Variants in CNTN4 observed in about 807,000 individuals in gnomAD.
The protein encoded by CNTN4 is contactin-4.
CNTN4 carries 77 observed loss-of-function variants against 122.5 expected under a neutral mutation model. The observed-to-expected ratio is 0.63, with a 90% CI of 0.52 to 0.76. The LOEUF is 0.76. Among genes scored for constraint, CNTN4 ranks in the 30% least tolerant of loss-of-function variants. The pLI is 0.00. For synonymous variants in CNTN4, 512 were observed against 447.0 expected (o/e 1.15, Z -1.83); for missense variants, 1,256 against 1,259.1 (o/e 1.00, Z 0.04).
At chr3:2,159,408 G>A (rs891098121) in intron 2 of CNTN4, among the ~76,000 whole-genome samples, 26 of 151,950 alleles carry the variant, frequency 1.7e-4, no homozygotes, top group African/African-American at 6.0e-4. Flanking sequence ...GACCTATATC[G>A]GGTTCTTTTT....
chr3:2,104,242 GT>G (rs1272032683), intron 2 of CNTN4, among the ~76,000 whole-genome samples: 1 of 140,004 alleles, frequency 7.1e-6, no homozygotes, highest in Non-Finnish European at 1.6e-5. Flanking sequence ...GTGTGTGTGT[GT>G]GTGTGTGTGT....
intron 4 of CNTN4, among the ~76,000 whole-genome samples, chr3:2,731,305 C>G (rs1408539478): frequency 1.3e-5 from 2 of 151,700 alleles, no homozygotes; most frequent in Non-Finnish European, 3.0e-5. Context: ...TTCTCCCTTC[C>G]CTTTATGAAG....
At chr3:2,294,259 A>C (rs548122229) in intron 2 of CNTN4, among the ~76,000 whole-genome samples, 178 of 151,038 alleles carry the variant, frequency 1.2e-3, no homozygotes, top group Non-Finnish European at 2.2e-3. Context: ...GCCAAGTTAC[A>C]TTGCAAAGGA....
chr3:2,609,392 G>A (rs990809481), intron 4 of CNTN4, among the ~76,000 whole-genome samples: 3 of 152,066 alleles, frequency 2.0e-5, no homozygotes, highest in Admixed American at 1.3e-4. Flanking sequence ...CAAATTTGCC[G>A]GCACCTTTAT....
intron 2 of CNTN4, among the ~76,000 whole-genome samples, chr3:2,233,501 A>G (rs62247019): frequency 0.2 from 30,254 of 152,094 alleles, 3,553 homozygotes; most frequent in South Asian, 0.38. Context: ...GGCCAATACT[A>G]TTCAGCATGT....
rs28756781 is a variant in CNTN4, at chr3:2,385,248, T to C, written c.-89+46015T>C. On this transcript the variant is annotated intron_variant, in intron 3 of 24. Transcript: ENST00000418658. This position sits in a 1 kb window ranked among gnomAD's most constrained non-coding sequence, Gnocchi z 4.0. ...TTTCTACTCAGTTTTTTATTTTTTATTTTTATTTCTACACTTTTTATTTCT... is the reference window on the plus strand; with the variant it reads ...TTTCTACTCAGTTTTTTATTTTTTACTTTTATTTCTACACTTTTTATTTCT... 6.6e-6 allele frequency among the ~76,000 whole-genome samples: 1 copy of C among 151,506 alleles called. No individual in the cohort carries two copies. The highest frequency in any genetic ancestry group is 2.4e-5 in the African/African-American group (1 of 41,566).
intron 4 of CNTN4, among the ~76,000 whole-genome samples, chr3:2,627,651 G>A (rs915928372): frequency 2.4e-4 from 37 of 151,804 alleles, no homozygotes; most frequent in African/African-American, 6.8e-4. Context: ...CCGCCACCAC[G>A]CCTGGCTAAT....
At chr3:2,338,279 T>C (rs938482543) in intron 2 of CNTN4, among the ~76,000 whole-genome samples, 2 of 151,964 alleles carry the variant, frequency 1.3e-5, no homozygotes, top group Non-Finnish European at 2.9e-5. Flanking sequence ...GATGAATTAT[T>C]TTGCAATTCA....
chr3:3,012,302 T>C (rs892289168), intron 14 of CNTN4, among the ~76,000 whole-genome samples: 1 of 152,156 alleles, frequency 6.6e-6, no homozygotes, highest in Non-Finnish European at 1.5e-5. Flanking sequence ...TAGGGCATTC[T>C]TGACCTTTGC....
chr3:2,391,098 T>G (rs999808065), intron 3 of CNTN4, among the ~76,000 whole-genome samples: 2 of 152,158 alleles, frequency 1.3e-5, no homozygotes, highest in Non-Finnish European at 2.9e-5. Context: ...GTACTGACCT[T>G]CCCTGCTGCA....
intron 4 of CNTN4, among the ~76,000 whole-genome samples, chr3:2,617,336 C>A (rs2081799318): frequency 1.3e-5 from 2 of 151,234 alleles, no homozygotes; most frequent in Non-Finnish European, 2.9e-5. Context: ...AGGATATGAA[C>A]AGACACTTCT....
chr3:2,883,330 G>A (rs913858645), intron 9 of CNTN4, 83 bp downstream of exon 9: 2 of 988,978 alleles, frequency 2.0e-6, no homozygotes, highest in East Asian at 2.6e-5. Context: ...CACAGCGATG[G>A]TTTCTGAGGT....
chr3:2,942,635 G>A (rs955437667), intron 13 of CNTN4, among the ~76,000 whole-genome samples: 1 of 152,182 alleles, frequency 6.6e-6, no homozygotes, highest in South Asian at 2.1e-4. Context: ...TGATGTAAGG[G>A]TACAGTTGTA....
chr3:2,833,989 A>G (rs1463291907), intron 7 of CNTN4, among the ~76,000 whole-genome samples: 5 of 151,990 alleles, frequency 3.3e-5, no homozygotes, highest in Non-Finnish European at 7.4e-5. Flanking sequence ...AAAGAAAAAT[A>G]CAAAAATTTA....
chr3:2,248,412 GAATC>G (rs1303440893), intron 2 of CNTN4, among the ~76,000 whole-genome samples: 1 of 151,888 alleles, frequency 6.6e-6, no homozygotes, highest in African/African-American at 2.4e-5. Flanking sequence ...TCACATTCTA[GAATC>G]AATCAATCAA....
intron 14 of CNTN4, among the ~76,000 whole-genome samples, chr3:3,020,645 G>A (rs1208930650): frequency 6.6e-6 from 1 of 152,158 alleles, no homozygotes; most frequent in African/African-American, 2.4e-5. Context: ...CTATTTCCCT[G>A]TTGGAAAGGT....
chr3:2,561,653 C>A (rs1158740142), intron 3 of CNTN4, among the ~76,000 whole-genome samples: 3 of 152,100 alleles, frequency 2.0e-5, no homozygotes, highest in Non-Finnish European at 4.4e-5. Flanking sequence ...ATATTCCTTT[C>A]AACAACCCTG....
chr3:2,458,424 C>G (rs2049079700), intron 3 of CNTN4, among the ~76,000 whole-genome samples: 1 of 152,096 alleles, frequency 6.6e-6, no homozygotes, highest in African/African-American at 2.4e-5. Flanking sequence ...TTTAAATAAA[C>G]TATCTTTGTT....
chr3:2,267,257 T>A (rs2041091158), intron 2 of CNTN4, among the ~76,000 whole-genome samples: 1 of 152,124 alleles, frequency 6.6e-6, no homozygotes, highest in African/African-American at 2.4e-5. Context: ...TCCCTTTGAA[T>A]TGACCTGTGT....
Sources: gnomAD v4.1 joint callset for allele counts (sites outside exome capture counted in the v4.1 genomes callset) on GRCh38, gnomAD v4.1.1 for gene constraint, Gnocchi (gnomAD v3.1) non-coding constraint, MANE v1.5 for transcripts, NCBI Gene and HGNC (gene_info 2026-07-23, HGNC 2026-07-21) for gene names.